The following TRPM3 variants were observed in gnomAD, a reference collection of about 807,000 sequenced individuals.
TRPM3 encodes transient receptor potential cation channel subfamily M member 3.
TRPM3 carries 77 observed loss-of-function variants against 181.2 expected under a neutral mutation model. The ratio of observed to expected loss-of-function variants is 0.42; its 90% CI spans 0.35 to 0.51. The LOEUF (loss-of-function observed/expected upper bound fraction) is 0.51, where lower values mean the gene tolerates loss of function less well. Among genes scored for constraint, TRPM3 ranks in the 20% least tolerant of loss-of-function variants. The pLI is 0.01. For missense variants in TRPM3, 1,759 were observed against 2,196.7 expected (o/e 0.80, Z 3.98); for synonymous variants, 745 against 796.4 (o/e 0.94, Z 1.09).
Position 71,165,912 on chromosome 9 carries a change from G to A in TRPM3, c.183+280741C>T, listed in dbSNP as rs375818365. Among the ~76,000 whole-genome samples, 134 of 152,268 alleles carry A rather than the reference G, an allele frequency of 8.8e-4. 1 individual carries two copies. The South Asian group carries it at 0.017, about 20-fold the overall frequency. ...AGAACCTGGTAGTCTCCACCCATTC[G>A]AAGATAGAGTTGTCTGACAGCAGAA... is the stretch of plus-strand genomic sequence containing the variant. On this transcript the variant is annotated intron_variant, in intron 1 of 24. Coordinates refer to the TRPM3 transcript ENST00000357533.
chr9:71,353,036 G>C (rs894615341), intron 1 of TRPM3, among the ~76,000 whole-genome samples: 2 of 152,080 alleles, frequency 1.3e-5, no homozygotes, highest in East Asian at 3.9e-4. Context: ...CGCAACTGAT[G>C]TTCAAGCAGC....
intron 1 of TRPM3, among the ~76,000 whole-genome samples, chr9:71,388,437 A>G (rs1025043213): frequency 1.3e-5 from 2 of 152,266 alleles, no homozygotes; most frequent in Middle Eastern, 3.4e-3. Flanking sequence ...AACTTCTGAG[A>G]CGGAGCCTTA....
chr9:70,656,692 C>G (rs1260385493), intron 9 of TRPM3, among the ~76,000 whole-genome samples: 3 of 152,102 alleles, frequency 2.0e-5, no homozygotes, highest in Non-Finnish European at 4.4e-5. Flanking sequence ...TGTAGACAAA[C>G]TCATTGTAAT....
Position 71,446,677 on chromosome 9 carries a change from C to G in TRPM3, c.159G>C (p.Ser53=), listed in dbSNP as rs769964287. The change falls in exon 1 of 25, where the codon TCG becomes TCC. Residue 53 remains serine, a synonymous_variant. Coordinates refer to the TRPM3 transcript ENST00000357533. Reference sequence around the variant, plus strand: ...CCGGCGTCTGCTGCGACGGGAGTCCCGAGCGTTTGGTGGACCCCTGCTTGG... The same window carrying G: ...CCGGCGTCTGCTGCGACGGGAGTCCGGAGCGTTTGGTGGACCCCTGCTTGG... 15 of 1,550,196 alleles carry G rather than the reference C, an allele frequency of 9.7e-6. No individual in the cohort carries two copies. In the South Asian group the frequency reaches 1.4e-4, roughly 15 times the overall value.
chr9:71,299,492 A>C (rs150378440), intron 1 of TRPM3, among the ~76,000 whole-genome samples: 380 of 151,830 alleles, frequency 2.5e-3, no homozygotes, highest in African/African-American at 8.6e-3. Flanking sequence ...GGAAAATAAA[A>C]GAGAAAAAGA....
intron 22 of TRPM3, among the ~76,000 whole-genome samples, chr9:70,580,782 G>T (rs1317102): frequency 0.69 from 104,603 of 151,756 alleles, 36,923 homozygotes; most frequent in Non-Finnish European, 0.76. Context: ...CATCTGGCCC[G>T]CCCTCCCTTT....
chr9:71,373,608 C>T (rs1399713312), intron 1 of TRPM3, among the ~76,000 whole-genome samples: 6 of 152,098 alleles, frequency 3.9e-5, no homozygotes, highest in Non-Finnish European at 8.8e-5. Context: ...AGACCAATAA[C>T]AAGTTCTGAA....
chr9:71,181,933 A>T (rs578118158), intron 1 of TRPM3, among the ~76,000 whole-genome samples: 1 of 152,072 alleles, frequency 6.6e-6, no homozygotes, highest in African/African-American at 2.4e-5. Context: ...CCACTCAATA[A>T]ATGCAGACTC....
chr9:70,759,661 G>A (rs2077725491), intron 8 of TRPM3, among the ~76,000 whole-genome samples: 1 of 152,154 alleles, frequency 6.6e-6, no homozygotes, highest in Admixed American at 6.5e-5. Context: ...CCATAAAAAA[G>A]GATGAGTTCA....
At position 71,257,707 on chromosome 9, in the gene TRPM3, G is replaced by T. The variant is rs1438366121; in HGVS notation, c.183+188946C>A. ...AAATACCTTCTTAAAACCAGTAACC[G>T]CAAGTGAATGTATCTTTGTACTAAG... is the stretch of plus-strand genomic sequence containing the variant. On this transcript the variant is annotated intron_variant, in intron 1 of 24. Coordinates refer to the TRPM3 transcript ENST00000357533. Among the ~76,000 whole-genome samples the T allele has an allele frequency of 2.0e-5, 3 of 152,102 alleles. No homozygotes were observed. The South Asian group carries it at 6.2e-4, about 32-fold the overall frequency.
At chr9:70,951,862 G>A (rs1176269676) in intron 1 of TRPM3, among the ~76,000 whole-genome samples, 3 of 152,160 alleles carry the variant, frequency 2.0e-5, no homozygotes, top group Non-Finnish European at 2.9e-5. Context: ...CTGCATTTAA[G>A]CTCTCTAGAA....
At chr9:71,359,247 T>G (rs1481470653) in intron 1 of TRPM3, among the ~76,000 whole-genome samples, 1 of 152,202 alleles carries the variant, frequency 6.6e-6, no homozygotes, top group East Asian at 1.9e-4. Flanking sequence ...AGTCAAATAG[T>G]GGTTAATAAA....
chr9:70,973,959 GC>G (rs1160731716), intron 1 of TRPM3, among the ~76,000 whole-genome samples: 2 of 152,104 alleles, frequency 1.3e-5, no homozygotes, highest in Non-Finnish European at 2.9e-5. Context: ...TAAATGAGTT[GC>G]TATTTATAAA....
At chr9:70,797,043 T>C (rs1024819954) in intron 6 of TRPM3, among the ~76,000 whole-genome samples, 1 of 152,260 alleles carries the variant, frequency 6.6e-6, no homozygotes, top group South Asian at 2.1e-4. Flanking sequence ...GGTGGGAGGA[T>C]TGCTTGAGCC....
intron 6 of TRPM3, among the ~76,000 whole-genome samples, chr9:70,801,047 G>T (rs999318186): frequency 4.6e-5 from 7 of 152,174 alleles, no homozygotes; most frequent in Non-Finnish European, 1.0e-4. Context: ...TCTCACTGAG[G>T]TGACCACAGA....
At chr9:70,808,558 G>A (rs1360005389) in intron 6 of TRPM3, among the ~76,000 whole-genome samples, 1 of 152,148 alleles carries the variant, frequency 6.6e-6, no homozygotes, top group Non-Finnish European at 1.5e-5. Flanking sequence ...TATTGACAAA[G>A]TAACTTTTCA....
chr9:71,324,803 A>C (rs1354017314), intron 1 of TRPM3, among the ~76,000 whole-genome samples: 1 of 152,110 alleles, frequency 6.6e-6, no homozygotes, highest in East Asian at 1.9e-4. Context: ...GAAGAAAATC[A>C]TGCCTTTAAA....
At chr9:71,054,233 C>T (rs1388306155) in intron 1 of TRPM3, among the ~76,000 whole-genome samples, 1 of 152,084 alleles carries the variant, frequency 6.6e-6, no homozygotes, top group Non-Finnish European at 1.5e-5. Context: ...TGATTCTAAG[C>T]AAACATCACA....
intron 5 of TRPM3, among the ~76,000 whole-genome samples, chr9:70,841,032 A>T (rs983983084): frequency 6.6e-6 from 1 of 152,196 alleles, no homozygotes; most frequent in Non-Finnish European, 1.5e-5. Context: ...GAATTAATTT[A>T]TGTATTAATA....
Sources: allele counts gnomAD v4.1 joint callset (sites outside exome capture counted in the v4.1 genomes callset), GRCh38; gene constraint gnomAD v4.1.1; transcripts MANE v1.5; gene names NCBI Gene and HGNC (gene_info 2026-07-23, HGNC 2026-07-21).